Variants in SLC24A2 observed in about 807,000 individuals in gnomAD.
The protein encoded by SLC24A2 is sodium/potassium/calcium exchanger 2.
A neutral mutation model predicts 62.0 loss-of-function variants in SLC24A2; 36 were observed. The ratio of observed to expected loss-of-function variants is 0.58; its 90% CI spans 0.44 to 0.77. The LOEUF (loss-of-function observed/expected upper bound fraction) is 0.77. Among genes scored for constraint, SLC24A2 ranks in the 30% least tolerant of loss-of-function variants. SLC24A2 has a pLI of 0.00. For synonymous variants in SLC24A2, 358 were observed against 294.0 expected, an observed-to-expected ratio of 1.22 and a Z score of -2.23; for missense variants, 846 against 817.9, an observed-to-expected ratio of 1.03 and a Z score of -0.42.
chr9:19,569,875 T>C (rs930613798), intron 7 of SLC24A2, among the ~76,000 whole-genome samples: 1 of 152,170 alleles, frequency 6.6e-6, no homozygotes, highest in African/African-American at 2.4e-5. Context: ...ATTTCTGCCT[T>C]TGTGGGTGCT....
At chr9:20,234,649 T>G in the SLC24A2 span, among the ~76,000 whole-genome samples, 1 of 152,198 alleles carries the variant, frequency 6.6e-6, no homozygotes, top group Admixed American at 6.5e-5. Context: ...TCAAAGCTTT[T>G]AACTTCTTTG....
At chr9:20,265,184 A>G in the SLC24A2 span, among the ~76,000 whole-genome samples, 2 of 152,338 alleles carry the variant, frequency 1.3e-5, no homozygotes, top group South Asian at 4.1e-4. Context: ...GAAAGGACGG[A>G]CATCTATGGC....
chr9:20,103,823 C>T, the SLC24A2 span, among the ~76,000 whole-genome samples: 1 of 151,936 alleles, frequency 6.6e-6, no homozygotes, highest in Non-Finnish European at 1.5e-5. Flanking sequence ...CAGTTCCTCA[C>T]CAGCAACGGA....
chr9:19,912,498 A>G, the SLC24A2 span, among the ~76,000 whole-genome samples: 6 of 152,148 alleles, frequency 3.9e-5, no homozygotes, highest in Non-Finnish European at 8.8e-5. Flanking sequence ...TCTGCTCTCT[A>G]CAGTACAACA....
chr9:20,094,610 T>C, the SLC24A2 span, among the ~76,000 whole-genome samples: 11 of 152,202 alleles, frequency 7.2e-5, no homozygotes, highest in African/African-American at 2.2e-4. Flanking sequence ...CGGTTATTGA[T>C]GTACTAGATT....
the SLC24A2 span, among the ~76,000 whole-genome samples, chr9:20,084,574 T>C: frequency 1.4e-5 from 2 of 138,978 alleles, no homozygotes; most frequent in African/African-American, 5.3e-5. Context: ...TCCCACCACC[T>C]CAGTGAACTC....
At chr9:20,304,215 C>A in the SLC24A2 span, among the ~76,000 whole-genome samples, 1 of 152,158 alleles carries the variant, frequency 6.6e-6, no homozygotes, top group Non-Finnish European at 1.5e-5. Flanking sequence ...GGCAGGTTAA[C>A]TATTTCACTG....
At chr9:19,908,578 T>C in the SLC24A2 span, among the ~76,000 whole-genome samples, 1 of 152,022 alleles carries the variant, frequency 6.6e-6, no homozygotes, top group Non-Finnish European at 1.5e-5. Context: ...ATTTTTGCAA[T>C]CTACTCATCT....
the SLC24A2 span, among the ~76,000 whole-genome samples, chr9:20,166,922 G>A: frequency 2.0e-5 from 3 of 151,926 alleles, no homozygotes; most frequent in Admixed American, 6.6e-5. Flanking sequence ...GCTCACCACA[G>A]CCTAACTGCC....
the SLC24A2 span, among the ~76,000 whole-genome samples, chr9:19,937,327 G>A: frequency 6.6e-6 from 1 of 152,206 alleles, no homozygotes; most frequent in African/African-American, 2.4e-5. Context: ...CCTCAACAAT[G>A]TCTTTGAAAT....
chr9:19,825,264 T>C, the SLC24A2 span, among the ~76,000 whole-genome samples: 3 of 152,212 alleles, frequency 2.0e-5, no homozygotes, highest in Non-Finnish European at 4.4e-5. Context: ...ATATCTTTTA[T>C]AGCAATAGAA....
At chr9:19,780,967 T>C (rs966008795) in intron 2 of SLC24A2, among the ~76,000 whole-genome samples, 1 of 133,724 alleles carries the variant, frequency 7.5e-6, no homozygotes, top group African/African-American at 2.8e-5. Context: ...CAAGAAAAAA[T>C]TCTAAAAAGA....
At chr9:19,620,345 T>C (rs1050884074) in intron 3 of SLC24A2, among the ~76,000 whole-genome samples, 2 of 152,206 alleles carry the variant, frequency 1.3e-5, no homozygotes, top group African/African-American at 4.8e-5. Flanking sequence ...CTTGCACATC[T>C]CCTGGGCTAC....
chr9:19,926,737 T>C, the SLC24A2 span: 4 of 152,430 alleles, frequency 2.6e-5, no homozygotes, highest in Admixed American at 6.5e-5. Flanking sequence ...GCACTTGGAT[T>C]GGCCATTTGC....
At chr9:19,904,335 C>A in the SLC24A2 span, among the ~76,000 whole-genome samples, 1 of 152,188 alleles carries the variant, frequency 6.6e-6, no homozygotes, top group East Asian at 1.9e-4. Context: ...TGAGATTATA[C>A]ACCAAAATCA....
chr9:19,909,305 G>C, the SLC24A2 span, among the ~76,000 whole-genome samples: 10 of 152,140 alleles, frequency 6.6e-5, no homozygotes, highest in Non-Finnish European at 1.3e-4. Flanking sequence ...ACACAGGAAG[G>C]GGAACATCAC....
chr9:19,918,393 C>CAAAA, the SLC24A2 span, among the ~76,000 whole-genome samples: 31 of 137,608 alleles, frequency 2.3e-4, no homozygotes, highest in Admixed American at 5.1e-4. Context: ...CTGCCTTTAT[C>CAAAA]AAAAAAAAAA....
At chr9:19,684,995 CAA>C in intron 2 of SLC24A2, among the ~76,000 whole-genome samples, 1 of 152,166 alleles carries the variant, frequency 6.6e-6, no homozygotes, top group South Asian at 2.1e-4. Context: ...ATAACTCCAG[CAA>C]AGTTTCAGGA....
At chr9:20,012,205 A>G in the SLC24A2 span, among the ~76,000 whole-genome samples, 2 of 152,236 alleles carry the variant, frequency 1.3e-5, no homozygotes, top group South Asian at 4.1e-4. Context: ...GCAATTTACA[A>G]AAGAAAGAGG....
Sources: allele counts gnomAD v4.1 joint callset (sites outside exome capture counted in the v4.1 genomes callset), GRCh38; gene constraint gnomAD v4.1.1; transcripts MANE v1.5; gene names NCBI Gene and HGNC (gene_info 2026-07-23, HGNC 2026-07-21).